KCNB2: variants seen among roughly 807,000 people sequenced by gnomAD.
KCNB2 encodes the protein potassium voltage-gated channel subfamily B member 2.
Under a neutral mutation model 61.5 loss-of-function variants are expected in KCNB2, and 15 were observed. The ratio of observed to expected loss-of-function variants is 0.24; its 90% CI spans 0.16 to 0.38. The LOEUF is 0.38. KCNB2 is among the 10% of genes least tolerant of loss of function. The pLI, the probability that KCNB2 is intolerant of heterozygous loss-of-function variation, is 1.00. For synonymous variants in KCNB2, 457 were observed against 446.0 expected (o/e 1.02, Z -0.31); for missense variants, 828 against 1,125.2 (o/e 0.74, Z 3.78).
rs1022696427 is a variant in KCNB2, at chr8:72,829,992, A to G, written c.580-105943A>G. ...AAAAAAGCTGCTGCTTCAAAAAAAA[A>G]AAAAAAAGCCAACTAGGTTTTCCAT... is the stretch of plus-strand genomic sequence containing the variant. On this transcript the variant is annotated intron_variant, in intron 2 of 2. Transcript: ENST00000523207. Among the ~76,000 whole-genome samples the G allele has an allele frequency of 2.5e-3, 375 of 152,000 alleles. 4 individuals carry two copies. Among genetic ancestry groups the G allele is most frequent in the African/African-American group, 8.4e-3 (349 of 41,480 alleles).
At chr8:72,787,701 A>G (rs889605691) in intron 2 of KCNB2, among the ~76,000 whole-genome samples, 6 of 152,146 alleles carry the variant, frequency 3.9e-5, no homozygotes, top group Non-Finnish European at 7.4e-5. Context: ...CTAACTGTCT[A>G]TATCAAAGAA....
chr8:72,754,063 G>A lies in KCNB2; in HGVS notation c.580-181872G>A, dbSNP rs917718234. ...AAAGACAGATTGGCTCCTGGCAAGA[G>A]CTTGGCCTGGAACTCCCTTAAGACT... On this transcript the variant is annotated intron_variant, in intron 2 of 2. Coordinates refer to ENST00000523207, the MANE Select transcript of KCNB2 (RefSeq NM_004770.3). Among the ~76,000 whole-genome samples the A allele has an allele frequency of 2.0e-5, 3 of 152,104 alleles. 1 individual carries two copies.
chr8:72,708,625 A>G (rs1194998807), intron 2 of KCNB2, among the ~76,000 whole-genome samples: 6 of 152,198 alleles, frequency 3.9e-5, no homozygotes, highest in Non-Finnish European at 4.4e-5. Flanking sequence ...AACAGTGGAA[A>G]GAGTGATTAC....
At chr8:72,834,524 T>C (rs972079483) in intron 2 of KCNB2, among the ~76,000 whole-genome samples, 1 of 152,142 alleles carries the variant, frequency 6.6e-6, no homozygotes, top group African/African-American at 2.4e-5. Flanking sequence ...TAATTTCAAA[T>C]CTTTGACATG....
intron 2 of KCNB2, among the ~76,000 whole-genome samples, chr8:72,707,151 AT>A (rs1239366383): frequency 6.6e-6 from 1 of 152,262 alleles, no homozygotes; most frequent in Non-Finnish European, 1.5e-5. Flanking sequence ...AAGAACCTGA[AT>A]TACAAAGACA....
At chr8:72,552,027 A>G (rs1372241833) in intron 1 of KCNB2, among the ~76,000 whole-genome samples, 1 of 152,146 alleles carries the variant, frequency 6.6e-6, no homozygotes, top group Non-Finnish European at 1.5e-5. Context: ...CCTGATGATG[A>G]AGCGCCAAAC....
At chr8:72,846,577 A>T (rs7834041) in intron 2 of KCNB2, among the ~76,000 whole-genome samples, 4 of 151,250 alleles carry the variant, frequency 2.6e-5, no homozygotes, top group African/African-American at 7.3e-5. Context: ...GAAAAAAAAA[A>T]CCATCAAAAA....
chr8:72,775,055 C>CCAACCT (rs1808624716), intron 2 of KCNB2, among the ~76,000 whole-genome samples: 2 of 152,142 alleles, frequency 1.3e-5, no homozygotes, highest in Admixed American at 1.3e-4. Flanking sequence ...ATCCCTGATG[C>CCAACCT]CAACACCAAA....
At chr8:72,573,546 G>A (rs1252261607) in intron 2 of KCNB2, among the ~76,000 whole-genome samples, 3 of 152,096 alleles carry the variant, frequency 2.0e-5, no homozygotes, top group Non-Finnish European at 4.4e-5. Context: ...ACCGTGCAGT[G>A]CTGTCCTCTA....
chr8:72,563,547 G>A (rs1806574240), intron 1 of KCNB2, among the ~76,000 whole-genome samples: 1 of 152,150 alleles, frequency 6.6e-6, no homozygotes, highest in South Asian at 2.1e-4. Flanking sequence ...GCTTGTTTAA[G>A]TGGCTGTGAG....
At position 72,840,213 on chromosome 8, in the gene KCNB2, A is replaced by C. The variant is rs138442028; in HGVS notation, c.580-95722A>C. ...GCTGAGAACGATGGTTTCCACCTTC[A>C]TTCATGTCCCTGCAAAGGACATGAA... On this transcript the variant is annotated intron_variant, in intron 2 of 2. Coordinates refer to ENST00000523207, the MANE Select transcript of KCNB2 (RefSeq NM_004770.3). 2.0e-5 allele frequency among the ~76,000 whole-genome samples: 3 copies of C among 152,086 alleles called. 1 individual carries two copies. Among genetic ancestry groups the C allele is most frequent in the Admixed American group, 1.3e-4 (2 of 15,278 alleles).
At chr8:72,665,127 A>G (rs1478083832) in intron 2 of KCNB2, among the ~76,000 whole-genome samples, 1 of 152,246 alleles carries the variant, frequency 6.6e-6, no homozygotes, top group East Asian at 1.9e-4. Flanking sequence ...TGTGCTTGCC[A>G]TAATCTCACT....
intron 2 of KCNB2, among the ~76,000 whole-genome samples, chr8:72,629,761 G>T (rs1053514177): frequency 6.6e-6 from 1 of 152,166 alleles, no homozygotes; most frequent in African/African-American, 2.4e-5. Context: ...CCTAAGCCAG[G>T]CTCTGTGCTA....
chr8:72,539,905 C>G (rs1336724428), intron 1 of KCNB2, among the ~76,000 whole-genome samples: 1 of 152,078 alleles, frequency 6.6e-6, no homozygotes, highest in Admixed American at 6.6e-5. Flanking sequence ...AACTTCCTGC[C>G]TTTTTAACAC....
intron 1 of KCNB2, among the ~76,000 whole-genome samples, chr8:72,563,814 C>G (rs906152417): frequency 3.9e-5 from 6 of 152,204 alleles, no homozygotes; most frequent in Non-Finnish European, 7.3e-5. Context: ...ATTCACAGCT[C>G]TTCAACTGCT....
chr8:72,883,406 T>C (rs1805750031), intron 2 of KCNB2, among the ~76,000 whole-genome samples: 1 of 152,194 alleles, frequency 6.6e-6, no homozygotes, highest in South Asian at 2.1e-4. Context: ...GCTGACTCAG[T>C]GACCCATTGT....
intron 2 of KCNB2, among the ~76,000 whole-genome samples, chr8:72,804,011 C>T (rs756384048): frequency 1.3e-5 from 2 of 152,240 alleles, no homozygotes; most frequent in East Asian, 1.9e-4. Context: ...CCAGAATGAA[C>T]GCACGTGAGT....
At chr8:72,768,074 A>T (rs1332865393) in intron 2 of KCNB2, among the ~76,000 whole-genome samples, 2 of 152,130 alleles carry the variant, frequency 1.3e-5, no homozygotes, top group Admixed American at 1.3e-4. Flanking sequence ...ACTTTTTATT[A>T]TTGGGTTGTA....
rs77951114 is a variant in KCNB2 at position 72,667,006 on chromosome 8, T to A, written c.579+98693T>A. ...ATAAGTGTGTGTGTGTGTGTGTGTGTGAGAGAGAGAGAGTGACAGAGAGGG... is the reference window on the plus strand; with the variant it reads ...ATAAGTGTGTGTGTGTGTGTGTGTGAGAGAGAGAGAGAGTGACAGAGAGGG... On this transcript the variant is annotated intron_variant, in intron 2 of 2. Transcript: ENST00000523207. Among the ~76,000 whole-genome samples, 1,066 of 147,912 alleles carry A rather than the reference T, an allele frequency of 7.2e-3. 6 individuals are homozygous for A. Among genetic ancestry groups the A allele is most frequent in the Middle Eastern group, 0.062 (18 of 292 alleles).
Sources: allele counts gnomAD v4.1 joint callset (sites outside exome capture counted in the v4.1 genomes callset), GRCh38; gene constraint gnomAD v4.1.1; transcripts MANE v1.5; gene names NCBI Gene and HGNC (gene_info 2026-07-23, HGNC 2026-07-21).